Variants in PDE3A observed in about 807,000 individuals in gnomAD.
PDE3A encodes cGMP-inhibited 3',5'-cyclic phosphodiesterase 3A.
PDE3A carries 43 observed loss-of-function variants against 98.3 expected under a neutral mutation model. The observed-to-expected ratio is 0.44, with a 90% CI of 0.34 to 0.56. The LOEUF (loss-of-function observed/expected upper bound fraction) is 0.56, where lower values mean the gene tolerates loss of function less well. Ranked by LOEUF, PDE3A falls within the 20% of genes least tolerant of loss-of-function variation. The pLI is 0.01. For synonymous variants in PDE3A, 663 were observed against 567.9 expected (o/e 1.17, Z -2.38); for missense variants, 1,427 against 1,440.7 (o/e 0.99, Z 0.15).
chr12:20,395,038 A>T (rs562942804), intron 1 of PDE3A, among the ~76,000 whole-genome samples: 3 of 152,222 alleles, frequency 2.0e-5, no homozygotes, highest in Admixed American at 6.5e-5. Context: ...AATTTTTCCT[A>T]ATTATGAACA....
chr12:20,642,069 T>G (rs1944658311), intron 10 of PDE3A, among the ~76,000 whole-genome samples: 1 of 152,164 alleles, frequency 6.6e-6, no homozygotes, highest in Non-Finnish European at 1.5e-5. Flanking sequence ...ATATTTATTT[T>G]GGACTATATT....
chr12:20,571,284 C>T (rs1942796883), intron 2 of PDE3A, among the ~76,000 whole-genome samples: 2 of 152,116 alleles, frequency 1.3e-5, no homozygotes, highest in Admixed American at 1.3e-4. Flanking sequence ...AATGTGGGTA[C>T]TGAGTACTGT....
intron 15 of PDE3A, among the ~76,000 whole-genome samples, chr12:20,665,207 T>C (rs1945279829): frequency 6.6e-6 from 1 of 152,208 alleles, no homozygotes; most frequent in Non-Finnish European, 1.5e-5. Context: ...GCAAGCATCA[T>C]ATTTATCTTG....
chr12:20,454,580 G>A (rs537881040), intron 1 of PDE3A, among the ~76,000 whole-genome samples: 1 of 152,158 alleles, frequency 6.6e-6, no homozygotes, highest in South Asian at 2.1e-4. Flanking sequence ...CTCAGGTATT[G>A]AGCCTGGTAC....
At chr12:20,387,711 T>A (rs993569728) in intron 1 of PDE3A, among the ~76,000 whole-genome samples, 11 of 152,084 alleles carry the variant, frequency 7.2e-5, no homozygotes, top group African/African-American at 2.7e-4. Flanking sequence ...GATTGCTCTG[T>A]AAGTTAGGAG....
chr12:20,455,859 G>A (rs1046622705), intron 1 of PDE3A, among the ~76,000 whole-genome samples: 5 of 152,120 alleles, frequency 3.3e-5, no homozygotes, highest in South Asian at 2.1e-4. Flanking sequence ...TTGGGTCTAC[G>A]TGAACAGATT....
intron 1 of PDE3A, among the ~76,000 whole-genome samples, chr12:20,502,636 A>G (rs1946044230): frequency 6.6e-6 from 1 of 152,176 alleles, no homozygotes; most frequent in African/African-American, 2.4e-5. Context: ...ATGACTGAAA[A>G]AGTGAGTGAC....
At chr12:20,462,209 G>A (rs1487978317) in intron 1 of PDE3A, among the ~76,000 whole-genome samples, 1 of 152,148 alleles carries the variant, frequency 6.6e-6, no homozygotes, top group Non-Finnish European at 1.5e-5. Flanking sequence ...AACTACTAGA[G>A]GCCAGGCGCG....
chr12:20,382,135 G>A (rs574398746), intron 1 of PDE3A, among the ~76,000 whole-genome samples: 10 of 151,908 alleles, frequency 6.6e-5, no homozygotes, highest in Admixed American at 2.0e-4. Flanking sequence ...AAATGCAGAC[G>A]TTTAAATACT....
intron 1 of PDE3A, among the ~76,000 whole-genome samples, chr12:20,377,220 A>G (rs1264386390): frequency 6.6e-6 from 1 of 151,800 alleles, no homozygotes; most frequent in Non-Finnish European, 1.5e-5. Context: ...AGTCCTATAA[A>G]CATTATAGAT....
At chr12:20,385,402 C>G (rs1745575407) in intron 1 of PDE3A, among the ~76,000 whole-genome samples, 2 of 151,916 alleles carry the variant, frequency 1.3e-5, no homozygotes, top group Admixed American at 1.3e-4. Flanking sequence ...GGATCTAGAA[C>G]TAGAAATACC....
intron 1 of PDE3A, among the ~76,000 whole-genome samples, chr12:20,458,534 A>T (rs1404681187): frequency 6.6e-6 from 1 of 152,146 alleles, no homozygotes; most frequent in Non-Finnish European, 1.5e-5. Context: ...GAAAAGATGT[A>T]TGCAGAAAAC....
At chr12:20,667,364 A>T (rs370305901) in intron 15 of PDE3A, among the ~76,000 whole-genome samples, 1 of 152,148 alleles carries the variant, frequency 6.6e-6, no homozygotes, top group Admixed American at 6.5e-5. Flanking sequence ...TCAATGTCCT[A>T]TAGAACTTCC....
intron 4 of PDE3A, among the ~76,000 whole-genome samples, chr12:20,617,591 G>T (rs1230791767): frequency 6.6e-6 from 1 of 152,072 alleles, no homozygotes; most frequent in Non-Finnish European, 1.5e-5. Context: ...ACTGATAAAT[G>T]CTAATAGTAT....
At chr12:20,435,836 G>A (rs889492799) in intron 1 of PDE3A, among the ~76,000 whole-genome samples, 8 of 152,270 alleles carry the variant, frequency 5.3e-5, no homozygotes, top group Non-Finnish European at 1.2e-4. Flanking sequence ...GTACAATATA[G>A]TGTCAGAGCT....
At position 20,543,256 on chromosome 12, in the gene PDE3A, G is replaced by GT. The variant is rs199898981; in HGVS notation, c.961-13401dup. Reference sequence around the variant, plus strand: ...TTTTTGGAGTAAGTTTATTTGGTTTGTTTGTTTTTTTTTTAAACAGGCCTA... The same window carrying GT: ...TTTTTGGAGTAAGTTTATTTGGTTTGTTTTGTTTTTTTTTTAAACAGGCCTA... On this transcript the variant is annotated intron_variant, in intron 1 of 15. Coordinates refer to ENST00000359062, the MANE Select transcript of PDE3A (RefSeq NM_000921.5). 1.7e-3 allele frequency among the ~76,000 whole-genome samples: 171 copies of GT among 102,884 alleles called. 3 individuals are homozygous for GT. In the East Asian group the frequency reaches 0.035, roughly 21 times the overall value. 67.5% of individuals were successfully genotyped at this position (102,884 alleles called of 152,430 possible).
chr12:20,662,508 A>G (rs760581139), intron 15 of PDE3A, among the ~76,000 whole-genome samples: 1 of 152,170 alleles, frequency 6.6e-6, no homozygotes, highest in Non-Finnish European at 1.5e-5. Context: ...TGAATTTTAG[A>G]CTTGCATGGG....
chr12:20,488,885 A>G (rs1298119271), intron 1 of PDE3A, among the ~76,000 whole-genome samples: 1 of 151,830 alleles, frequency 6.6e-6, no homozygotes, highest in Non-Finnish European at 1.5e-5. Context: ...TCTCCAAAAA[A>G]AAAAAAAAAA....
At chr12:20,502,733 TAATGGTTAACTGAATTCCTC>T (rs1379500036) in intron 1 of PDE3A, among the ~76,000 whole-genome samples, 11 of 152,146 alleles carry the variant, frequency 7.2e-5, no homozygotes, top group Admixed American at 6.6e-4. Flanking sequence ...TAAAGGAAAC[TAATGGTTAACTGAATTCCTC>T]AATTATTTCC....
Sources: gnomAD v4.1 joint callset for allele counts (sites outside exome capture counted in the v4.1 genomes callset) on GRCh38, gnomAD v4.1.1 for gene constraint, MANE v1.5 for transcripts, NCBI Gene and HGNC (gene_info 2026-07-23, HGNC 2026-07-21) for gene names.